ZEB2: variants seen among roughly 807,000 people sequenced by gnomAD.
ZEB2 encodes the protein zinc finger E-box binding homeobox 2, also known as zinc finger E-box-binding homeobox 2.
In ZEB2, 6 loss-of-function variants were observed where a neutral mutation model predicts 99.9. The observed-to-expected ratio is 0.06, with a 90% CI of 0.03 to 0.12. The LOEUF is 0.12. Ranked by LOEUF, ZEB2 falls within the 10% of genes least tolerant of loss-of-function variation. The pLI is 1.00. For missense variants in ZEB2, 969 were observed against 1,502.8 expected, an observed-to-expected ratio of 0.64 and a Z score of 5.87; for synonymous variants, 517 against 542.5, an observed-to-expected ratio of 0.95 and a Z score of 0.65.
intron 9 of ZEB2, among the ~76,000 whole-genome samples, chr2:144,392,376 G>GT (rs1403269172): frequency 2.0e-5 from 3 of 152,178 alleles, no homozygotes; most frequent in Non-Finnish European, 2.9e-5. Context: ...TCTGTTATAG[G>GT]TTTCAAGGCC....
At chr2:144,406,630 G>A (rs1703390754) in intron 4 of ZEB2, among the ~76,000 whole-genome samples, 1 of 152,216 alleles carries the variant, frequency 6.6e-6, no homozygotes, top group Admixed American at 6.5e-5. Context: ...ACCACGTGAT[G>A]TAAGGGTGGA....
chr2:144,419,085 C>T (rs913048888), intron 4 of ZEB2, among the ~76,000 whole-genome samples: 5 of 152,054 alleles, frequency 3.3e-5, no homozygotes, highest in African/African-American at 7.3e-5. Context: ...TCCACTTTAC[C>T]GATGTAGAAA....
At chr2:144,492,866 G>A (rs1039852258) in intron 2 of ZEB2, among the ~76,000 whole-genome samples, 2 of 152,072 alleles carry the variant, frequency 1.3e-5, no homozygotes, top group Non-Finnish European at 2.9e-5. Flanking sequence ...TAATATACCC[G>A]CTGTATTCAT....
chr2:144,508,476 C>A (rs773047158), intron 2 of ZEB2, among the ~76,000 whole-genome samples: 1 of 152,136 alleles, frequency 6.6e-6, no homozygotes, highest in Non-Finnish European at 1.5e-5. Context: ...CTTTCTCACA[C>A]ATTTGTGGCT....
At chr2:144,436,677 T>C (rs968078510) in intron 2 of ZEB2, among the ~76,000 whole-genome samples, 1 of 152,192 alleles carries the variant, frequency 6.6e-6, no homozygotes, top group Admixed American at 6.5e-5. Context: ...CAAATTTCCA[T>C]ACATTTGTTG....
At chr2:144,405,921 A>G (rs1389274294) in intron 4 of ZEB2, among the ~76,000 whole-genome samples, 1 of 152,238 alleles carries the variant, frequency 6.6e-6, no homozygotes, top group African/African-American at 2.4e-5. Context: ...ATCATAAATA[A>G]TATTTTTATG....
At chr2:144,472,717 G>A (rs377475687) in intron 2 of ZEB2, among the ~76,000 whole-genome samples, 4 of 152,102 alleles carry the variant, frequency 2.6e-5, no homozygotes, top group Non-Finnish European at 4.4e-5. Context: ...ATGGACTACC[G>A]AAAGAAAGTG....
chr2:144,515,049 G>A (rs1218647769), intron 2 of ZEB2, among the ~76,000 whole-genome samples: 2 of 152,180 alleles, frequency 1.3e-5, no homozygotes, highest in African/African-American at 4.8e-5. Context: ...GCTCTGGCCT[G>A]ACCTCACTGC....
intron 3 of ZEB2, 64 bp downstream of exon 3, chr2:144,429,705 G>A (rs1703741200): frequency 6.2e-7 from 1 of 1,610,644 alleles, no homozygotes; most frequent in Non-Finnish European, 8.5e-7. Context: ...TCTGCTAGGT[G>A]GAACAGATTA....
intron 2 of ZEB2, chr2:144,512,298 T>A: frequency 1.6e-6 from 2 of 1,287,136 alleles, no homozygotes; most frequent in Non-Finnish European, 2.0e-6. Flanking sequence ...CTTAAAAGCC[T>A]TGGAAGAATG....
Position 144,404,864 on chromosome 2 carries a change from C to A in ZEB2, c.564G>T (p.Thr188=), listed in dbSNP as rs747482254. 13 of 1,614,056 alleles carry A rather than the reference C, an allele frequency of 8.1e-6. No homozygotes were observed. Among genetic ancestry groups the A allele is most frequent in the Non-Finnish European group, 1.0e-5 (12 of 1,179,964 alleles). ...EAPEELSRLG[T]PEANGQEEND... ...TTTCTTCTTGCCCATTGGCCTCTGG[C>A]GTGCCAAGGCGAGACAGCTCCTCAG... The change falls in exon 5 of 10, where the codon ACG becomes ACT. Residue 188 remains threonine, a synonymous_variant. Coordinates refer to ENST00000627532, the MANE Select transcript of ZEB2 (RefSeq NM_014795.4).
intron 2 of ZEB2, among the ~76,000 whole-genome samples, chr2:144,466,032 T>A (rs777468835): frequency 3.3e-5 from 5 of 152,200 alleles, no homozygotes; most frequent in Non-Finnish European, 5.9e-5. Flanking sequence ...AAATCTCTTA[T>A]GAATAGTCAT....
chr2:144,441,542 T>G (rs1241330439), intron 2 of ZEB2, among the ~76,000 whole-genome samples: 2 of 114,546 alleles, frequency 1.7e-5, no homozygotes, highest in Admixed American at 1.8e-4. Context: ...ATTAATTTTC[T>G]AAAAAAAAAA....
intron 2 of ZEB2, among the ~76,000 whole-genome samples, chr2:144,466,293 C>T (rs568955499): frequency 1.2e-4 from 19 of 152,144 alleles, no homozygotes; most frequent in African/African-American, 3.6e-4. Context: ...CTTTTTCTAA[C>T]GTCAGAGTTT....
chr2:144,460,117 T>C (rs974756069), intron 2 of ZEB2, among the ~76,000 whole-genome samples: 3 of 152,186 alleles, frequency 2.0e-5, no homozygotes, highest in Non-Finnish European at 4.4e-5. Context: ...TCATTCTGAA[T>C]GCAATTCTGG....
chr2:144,454,139 C>A (rs1444813755), intron 2 of ZEB2, among the ~76,000 whole-genome samples: 3 of 152,076 alleles, frequency 2.0e-5, no homozygotes, highest in Admixed American at 2.0e-4. Flanking sequence ...CTAGTATGAC[C>A]TTAAAGATGG....
At chr2:144,504,087 AAAAAAAACAAC>A (rs781477016) in intron 2 of ZEB2, 18,836 of 55,572 alleles carry the variant, frequency 0.34, 2,128 homozygotes, top group South Asian at 0.45. Flanking sequence ...TAGAAAAAAA[AAAAAAAACAAC>A]AAAAAAAACA....
chr2:144,481,566 A>C (rs1375627733), intron 2 of ZEB2, among the ~76,000 whole-genome samples: 2 of 152,216 alleles, frequency 1.3e-5, no homozygotes, highest in Non-Finnish European at 2.9e-5. Flanking sequence ...AATCTAGATA[A>C]ATGAGTATAC....
rs181990710 is a variant in ZEB2, at chr2:144,417,030, C to T, written c.403+7766G>A. Among the ~76,000 whole-genome samples, 7 of 152,304 alleles carry T rather than the reference C, an allele frequency of 4.6e-5. No homozygotes were observed. The East Asian group carries it at 1.2e-3, about 25-fold the overall frequency. On this transcript the variant is annotated intron_variant, in intron 4 of 9. Coordinates refer to ENST00000627532, the MANE Select transcript of ZEB2 (RefSeq NM_014795.4). ...TGCACTAAATATTTTACATGCATTT[C>T]GTATTCGTCTACCACTGTTTTATTC... is the stretch of plus-strand genomic sequence containing the variant.
Sources: allele counts gnomAD v4.1 joint callset (sites outside exome capture counted in the v4.1 genomes callset), GRCh38; gene constraint gnomAD v4.1.1; transcripts MANE v1.5; gene names NCBI Gene and HGNC (gene_info 2026-07-23, HGNC 2026-07-21).